FLOT1: variants seen among roughly 807,000 people sequenced by gnomAD.
FLOT1 encodes the protein flotillin-1.
A neutral mutation model predicts 58.4 loss-of-function variants in FLOT1; 40 were observed. The ratio of observed to expected loss-of-function variants is 0.69; its 90% CI spans 0.53 to 0.89. The LOEUF is 0.89. Ranked by LOEUF, FLOT1 falls within the 40% of genes least tolerant of loss-of-function variation. The pLI, the probability that FLOT1 is intolerant of heterozygous loss-of-function variation, is 0.00. For missense variants in FLOT1, 423 were observed against 540.8 expected, an observed-to-expected ratio of 0.78 and a Z score of 2.16; for synonymous variants, 178 against 204.2, an observed-to-expected ratio of 0.87 and a Z score of 1.09.
At chr6:30,739,497 G>T (rs1198008816) in intron 8 of FLOT1, among the ~76,000 whole-genome samples, 1 of 151,578 alleles carries the variant, frequency 6.6e-6, no homozygotes, top group Non-Finnish European at 1.5e-5. Context: ...AGCCTCCCAA[G>T]TAGCTGGGAC....
At chr6:30,740,420 C>T (rs1243248936) in intron 7 of FLOT1, 76 bp downstream of exon 7, 4 of 1,586,108 alleles carry the variant, frequency 2.5e-6, no homozygotes, top group Non-Finnish European at 2.6e-6. Flanking sequence ...TTTCCCTGCT[C>T]ACCCAGCACC....
chr6:30,730,391 A>G (rs1374807299), intron 11 of FLOT1, 37 bp downstream of exon 11: 4 of 1,538,908 alleles, frequency 2.6e-6, no homozygotes, highest in Non-Finnish European at 3.5e-6. Flanking sequence ...CCCTGGTTCT[A>G]TTTCCTCCTT....
In FLOT1 at chr6:30,730,045, G is replaced by C. The variant is rs749948839; in HGVS notation, c.1231C>G (p.Leu411Val). 1.2e-6 allele frequency: 2 copies of C among 1,612,942 alleles called. No homozygotes were observed. Among genetic ancestry groups the C allele is most frequent in the Non-Finnish European group, 1.7e-6 (2 of 1,180,030 alleles). Residue 411 changes from leucine to valine, a missense_variant, in exon 12 of 13, where the codon CTC (leucine) becomes GTC (valine). Physicochemically the swap from Leu to Val is conservative, Grantham distance 32 (BLOSUM62 1). Coordinates refer to ENST00000376389, the MANE Select transcript of FLOT1 (RefSeq NM_005803.4). ...LTRLPESVERLTGVSISQVNH... is the reference protein window; with the variant it reads ...LTRLPESVERVTGVSISQVNH... ...ACCTGGGAGATGCTCACGCCTGTGA[G>C]TCTTTCCACACTCTCTGGCAGGCGA... is the stretch of plus-strand genomic sequence containing the variant.
Position 30,741,770 on chromosome 6 carries a change from C to T in FLOT1, c.119+22G>A, listed in dbSNP as rs1294636499. ...AAAAGAGAAAACGGAGGTCCCCCTT[C>T]CCTGGTTCCCTTCTTGCCTACCTCT... On this transcript the variant is annotated intron_variant, in intron 3 of 12. Transcript: ENST00000376389. The surrounding 1 kb of genome is among the most constrained non-coding windows in gnomAD (Gnocchi z 5.9). 3 of 1,612,356 alleles carry T rather than the reference C, an allele frequency of 1.9e-6. No homozygotes were observed. The South Asian group carries it at 3.3e-5, about 18-fold the overall frequency.
chr6:30,740,402 T>G (rs1339173135), intron 7 of FLOT1, 92 bp from the exon 8 acceptor site: 6 of 1,588,132 alleles, frequency 3.8e-6, no homozygotes, highest in East Asian at 2.2e-5. Context: ...TCTTTCTGCC[T>G]CATGTATTTT....
At chr6:30,728,339 G>C (rs2127758673) in intron 12 of FLOT1, among the ~76,000 whole-genome samples, 194 bp from the exon 13 acceptor site, 1 of 152,304 alleles carries the variant, frequency 6.6e-6, no homozygotes, top group East Asian at 1.9e-4. Context: ...GAAGAGAGGA[G>C]AGGGGGCAGA....
At chr6:30,732,500 G>C (rs1777273288) in intron 8 of FLOT1, among the ~76,000 whole-genome samples, 1 of 151,962 alleles carries the variant, frequency 6.6e-6, no homozygotes, top group East Asian at 1.9e-4. Context: ...CTACAGGTGT[G>C]AACCAGCACA....
intron 8 of FLOT1, among the ~76,000 whole-genome samples, chr6:30,738,409 GCTATC>G (rs1777737979): frequency 6.6e-6 from 1 of 152,100 alleles, no homozygotes; most frequent in Non-Finnish European, 1.5e-5. Flanking sequence ...GCATAATATT[GCTATC>G]CTTTGGGTAA....
At chr6:30,730,212 G>A (rs1456613430) in intron 11 of FLOT1, 26 bp from the exon 12 acceptor site, 53 of 1,611,846 alleles carry the variant, frequency 3.3e-5, no homozygotes, top group Non-Finnish European at 4.1e-5. Context: ...CACCCACTCA[G>A]TGCCCATGAT....
chr6:30,728,273 C>A, intron 12 of FLOT1, 128 bp from the exon 13 acceptor site: 1 of 765,548 alleles, frequency 1.3e-6, no homozygotes, highest in Non-Finnish European at 2.3e-6. Flanking sequence ...CTTTCTGGTG[C>A]CCTACCACCT....
Position 30,727,944 on chromosome 6 carries a change from C to A in FLOT1, c.*172G>T. The A allele has an allele frequency of 3.0e-6, 2 of 676,612 alleles. No homozygotes were observed. The highest frequency in any genetic ancestry group is 1.7e-5 in the South Asian group (1 of 60,278). 41.9% of individuals were successfully genotyped at this position (676,612 alleles called of 1,614,324 possible). A position where few individuals can be genotyped will look rare whatever the true frequency, so the allele number is the denominator to read the frequency against. ...GGCAATCATAGCAGTGTGAGGTTGG[C>A]AAGGGGAGCAACCCCCTTCAAGACA... is the stretch of plus-strand genomic sequence containing the variant. On this transcript the variant is annotated 3_prime_UTR_variant, in exon 13 of 13. Transcript: ENST00000376389.
intron 8 of FLOT1, among the ~76,000 whole-genome samples, chr6:30,734,046 GAAAAAA>G (rs796499603): frequency 0.079 from 3,861 of 48,572 alleles, 108 homozygotes; most frequent in South Asian, 0.23. Context: ...CCCTGTCTCT[GAAAAAA>G]AAAAAAAAAA....
intron 8 of FLOT1, among the ~76,000 whole-genome samples, chr6:30,733,000 A>G (rs1422132946): frequency 6.6e-6 from 1 of 152,120 alleles, no homozygotes; most frequent in African/African-American, 2.4e-5. Context: ...ATATAAAGAC[A>G]ATATTTTTTC....
At chr6:30,730,877 G>C in intron 9 of FLOT1, 42 bp downstream of exon 9, 1 of 1,602,520 alleles carries the variant, frequency 6.2e-7, no homozygotes, top group Admixed American at 1.7e-5. Flanking sequence ...GGGGTGCCTA[G>C]GTGGCAAGTG....
intron 8 of FLOT1, among the ~76,000 whole-genome samples, chr6:30,733,756 G>GAA (rs1554206975): frequency 7.5e-6 from 1 of 133,206 alleles, no homozygotes; most frequent in East Asian, 2.2e-4. Flanking sequence ...AAAAAAAAAA[G>GAA]AAAAGAAAGC....
Position 30,731,001 on chromosome 6 carries a change from G to A in FLOT1, c.823C>T (p.Arg275Trp), listed in dbSNP as rs1238800619. ...ACCCGGGCCTCCAGCTCCTTCTCCCGCCGGGCGATCTCCTGCTCCTGCACT... is the reference window on the plus strand; with the variant it reads ...ACCCGGGCCTCCAGCTCCTTCTCCCACCGGGCGATCTCCTGCTCCTGCACT... ...VAVQEQEIAR[R>W]EKELEARVRK... is the part of the protein sequence containing the mutation. The change falls in exon 9 of 13, where the codon CGG (arginine) becomes TGG (tryptophan). Residue 275 changes from arginine to tryptophan, a missense_variant. By Grantham distance (101) the Arg-to-Trp change is moderately radical. Transcript: ENST00000376389. 6.2e-7 allele frequency: 1 copy of A among 1,613,590 alleles called. No homozygotes were observed. The highest frequency in any genetic ancestry group is 1.7e-5 in the Admixed American group (1 of 60,024).
intron 8 of FLOT1, among the ~76,000 whole-genome samples, chr6:30,732,643 C>T (rs1459453502): frequency 1.3e-5 from 2 of 152,176 alleles, no homozygotes; most frequent in Admixed American, 1.3e-4. Flanking sequence ...TGTGCCATCA[C>T]ACCCAGCCAG....
rs1420037969 is a variant in FLOT1, at chr6:30,742,442, C to A, written c.-15+85G>T. ...CCTCGCCGCTCCCTTTGATAAAGGTCCCCCGCGCCCAGAGGCCTGCAGACC... is the reference window on the plus strand; with the variant it reads ...CCTCGCCGCTCCCTTTGATAAAGGTACCCCGCGCCCAGAGGCCTGCAGACC... On this transcript the variant is annotated intron_variant, in intron 1 of 12. Transcript: ENST00000376389. This position sits in a 1 kb window ranked among gnomAD's most constrained non-coding sequence, Gnocchi z 5.2. 4 of 577,980 alleles carry A rather than the reference C, an allele frequency of 6.9e-6. No homozygotes were observed. Among genetic ancestry groups the A allele is most frequent in the Admixed American group, 6.3e-5 (2 of 31,934 alleles). The allele number at this position is 577,980 out of a possible 1,614,324, so 35.8% of individuals were successfully genotyped here. A position where few individuals can be genotyped will look rare whatever the true frequency, so the allele number is the denominator to read the frequency against.
chr6:30,740,943 T>C (rs1050772531), intron 5 of FLOT1, 145 bp from the exon 6 acceptor site: 2 of 1,219,270 alleles, frequency 1.6e-6, no homozygotes, highest in Non-Finnish European at 1.1e-6. Flanking sequence ...CCCATCACCA[T>C]ACCCAGCTAA....
Sources: allele counts gnomAD v4.1 joint callset (sites outside exome capture counted in the v4.1 genomes callset), GRCh38; gene constraint gnomAD v4.1.1; non-coding constraint Gnocchi (gnomAD v3.1); transcripts MANE v1.5; gene names NCBI Gene and HGNC (gene_info 2026-07-23, HGNC 2026-07-21).